The following GPR158 variants were observed in gnomAD, a reference collection of about 807,000 sequenced individuals.
GPR158 encodes G protein-coupled receptor 158, also known as metabotropic glycine receptor.
Under a neutral mutation model 78.2 loss-of-function variants are expected in GPR158, and 30 were observed. That is an observed-to-expected ratio of 0.38 (90% CI 0.29 to 0.52). The LOEUF is 0.52. Among genes scored for constraint, GPR158 ranks in the 20% least tolerant of loss-of-function variants. GPR158 has a pLI of 0.83. For missense variants in GPR158, 1,463 were observed against 1,523.5 expected (o/e 0.96, Z 0.66); for synonymous variants, 581 against 591.1 (o/e 0.98, Z 0.25).
intron 2 of GPR158, among the ~76,000 whole-genome samples, chr10:25,380,777 A>G (rs1834143990): frequency 6.6e-6 from 1 of 152,216 alleles, no homozygotes; most frequent in African/African-American, 2.4e-5. Context: ...TGCAAATTTG[A>G]GAAACCATAT....
chr10:25,185,456 C>A (rs1852669636), intron 1 of GPR158, among the ~76,000 whole-genome samples: 1 of 152,152 alleles, frequency 6.6e-6, no homozygotes, highest in African/African-American at 2.4e-5. Context: ...GAATCTGTTG[C>A]TAAGCATGGT....
chr10:25,322,842 C>CT (rs112173925), intron 2 of GPR158, among the ~76,000 whole-genome samples: 167 of 151,530 alleles, frequency 1.1e-3, no homozygotes, highest in African/African-American at 3.7e-3. Flanking sequence ...ATTGGCAAGT[C>CT]TTTTTTTTTG....
Position 25,598,155 on chromosome 10 carries a change from A to T in GPR158, c.2529A>T (p.Thr843=). Residue 843 remains threonine, a synonymous_variant, in exon 11 of 11, where the codon ACA becomes ACT. Transcript: ENST00000376351. ...SLPTESQEEE[T]TENSTLESLS... ...CCACAGAAAGCCAAGAGGAGGAGACAACAGAAAATTCCACACTGGAATCCC... is the reference window on the plus strand; with the variant it reads ...CCACAGAAAGCCAAGAGGAGGAGACTACAGAAAATTCCACACTGGAATCCC... 1.2e-6 allele frequency: 2 copies of T among 1,614,180 alleles called. No individual in the cohort carries two copies. The highest frequency in any genetic ancestry group is 4.5e-5 in the East Asian group (2 of 44,878).
Position 25,241,271 on chromosome 10 carries a change from CCTTTCTTT to C in GPR158, c.1008+20123_1008+20130del, listed in dbSNP as rs1160710362. Among the ~76,000 whole-genome samples, 466 of 75,200 alleles carry C rather than the reference CCTTTCTTT, an allele frequency of 6.2e-3. 7 individuals carry two copies. The highest frequency in any genetic ancestry group is 9.0e-3 in the Admixed American group (63 of 7,036). The allele number at this position is 75,200 out of a possible 152,430, so 49.3% of individuals were successfully genotyped here. ...TTTCCTTTCTTTCCTTTCTTTCTTT[CCTTTCTTT>C]CTTTCTTTTCTTTTCTTTTCTTTTC... On this transcript the variant is annotated intron_variant, in intron 2 of 10. Transcript: ENST00000376351.
chr10:25,597,448 G>T (rs1837424389), intron 10 of GPR158, among the ~76,000 whole-genome samples: 1 of 152,186 alleles, frequency 6.6e-6, no homozygotes, highest in Non-Finnish European at 1.5e-5. Flanking sequence ...GTGTCTTAAA[G>T]TCCACACTTT....
chr10:25,383,902 G>C (rs1834188896), intron 2 of GPR158, among the ~76,000 whole-genome samples: 1 of 152,188 alleles, frequency 6.6e-6, no homozygotes, highest in Non-Finnish European at 1.5e-5. Flanking sequence ...TTGAATCCTG[G>C]CTCAGCCAGT....
intron 2 of GPR158, among the ~76,000 whole-genome samples, chr10:25,348,599 A>G (rs2807255): frequency 0.64 from 96,972 of 151,848 alleles, 32,528 homozygotes; most frequent in Non-Finnish European, 0.76. Flanking sequence ...ATTCTACAAC[A>G]TCAGGAAATA....
At chr10:25,338,557 ACG>A (rs1490936810) in intron 2 of GPR158, among the ~76,000 whole-genome samples, 15 of 145,338 alleles carry the variant, frequency 1.0e-4, no homozygotes, top group Admixed American at 4.2e-4. Context: ...AATATATAAT[ACG>A]TATTGTATAT....
intron 2 of GPR158, among the ~76,000 whole-genome samples, chr10:25,317,237 G>A (rs1162779923): frequency 6.6e-6 from 1 of 151,416 alleles, no homozygotes; most frequent in African/African-American, 2.4e-5. Context: ...TAGTAGAGAT[G>A]GGGTTTCACC....
At chr10:25,593,760 G>A (rs1837369206) in intron 8 of GPR158, among the ~76,000 whole-genome samples, 3 of 152,022 alleles carry the variant, frequency 2.0e-5, no homozygotes, top group Non-Finnish European at 2.9e-5. Flanking sequence ...TTATTTTAAA[G>A]AGTACATTTT....
chr10:25,513,816 T>C (rs1264469893), intron 5 of GPR158, among the ~76,000 whole-genome samples: 1 of 152,180 alleles, frequency 6.6e-6, no homozygotes, highest in Non-Finnish European at 1.5e-5. Context: ...TTTCTATGTA[T>C]TTGCATGGCT....
At chr10:25,406,192 G>T (rs945671200) in intron 3 of GPR158, among the ~76,000 whole-genome samples, 1 of 152,216 alleles carries the variant, frequency 6.6e-6, no homozygotes, top group Admixed American at 6.5e-5. Context: ...CTCTAAGCTT[G>T]CTCAGCCCTT....
intron 7 of GPR158, among the ~76,000 whole-genome samples, chr10:25,580,906 TTA>T (rs1453273215): frequency 6.6e-5 from 6 of 90,688 alleles, no homozygotes; most frequent in African/African-American, 4.5e-4. Flanking sequence ...TTTTATTTTT[TTA>T]TTTTATTTTA....
Position 25,429,829 on chromosome 10 carries a change from C to T in GPR158, c.1335+17356C>T, listed in dbSNP as rs1464333981. Among the ~76,000 whole-genome samples, 3 of 142,804 alleles carry T rather than the reference C, an allele frequency of 2.1e-5. No individual in the cohort carries two copies. The Admixed American group carries it at 2.1e-4, about 10-fold the overall frequency. 93.7% of individuals were successfully genotyped at this position (142,804 alleles called of 152,430 possible). A position where few individuals can be genotyped will look rare whatever the true frequency, so the allele number is the denominator to read the frequency against. On this transcript the variant is annotated intron_variant, in intron 4 of 10. Transcript: ENST00000376351. ...TCAACAACCGTTCATGCTAAAAACT[C>T]TCAATAAATTAGGTATTGATGGGAC...
chr10:25,283,939 TATTG>T (rs1854311714), intron 2 of GPR158, among the ~76,000 whole-genome samples: 1 of 152,104 alleles, frequency 6.6e-6, no homozygotes, highest in African/African-American at 2.4e-5. Context: ...ATTTTTCTGT[TATTG>T]ATCGCTAGTT....
Position 25,221,048 on chromosome 10 carries a change from C to T in GPR158, c.903-4C>T. ...TTGTTCTTTTTATCCTTTTCTATTT[C>T]TAGGGGTGTCATGAAAGTTGACATA... On this transcript the variant is annotated splice_polypyrimidine_tract_variant and splice_region_variant and intron_variant, in intron 1 of 10. Transcript: ENST00000376351. 7.2e-7 allele frequency: 1 copy of T among 1,391,246 alleles called. No homozygotes were observed. Among genetic ancestry groups the T allele is most frequent in the South Asian group, 1.2e-5 (1 of 83,888 alleles). 86.2% of individuals were successfully genotyped at this position (1,391,246 alleles called of 1,614,324 possible).
chr10:25,224,026 CAGG>C (rs942526705), intron 2 of GPR158, among the ~76,000 whole-genome samples: 1 of 152,070 alleles, frequency 6.6e-6, no homozygotes. Context: ...ACAAAAGCCT[CAGG>C]AGCATTTTAG....
intron 6 of GPR158, among the ~76,000 whole-genome samples, chr10:25,558,854 G>A (rs58738507): frequency 0.029 from 4,425 of 152,202 alleles, 224 homozygotes; most frequent in African/African-American, 0.1. Flanking sequence ...GTGAGAGCAC[G>A]TACCTTGTGT....
At chr10:25,241,160 T>TCTTTC (rs1491566756) in intron 2 of GPR158, among the ~76,000 whole-genome samples, 6 of 124,208 alleles carry the variant, frequency 4.8e-5, no homozygotes, top group Admixed American at 1.6e-4. Context: ...TTTCTTTCTT[T>TCTTTC]CTTTCTTTCT....
Sources: allele counts gnomAD v4.1 joint callset (sites outside exome capture counted in the v4.1 genomes callset), GRCh38; gene constraint gnomAD v4.1.1; transcripts MANE v1.5; gene names NCBI Gene and HGNC (gene_info 2026-07-23, HGNC 2026-07-21).